Variants in LRRN1 observed in about 807,000 individuals in gnomAD.
LRRN1 encodes leucine-rich repeat neuronal protein 1.
In LRRN1, 14 loss-of-function variants were observed where a neutral mutation model predicts 45.8. That is an observed-to-expected ratio of 0.31 (90% CI 0.20 to 0.48). The LOEUF is 0.48. Ranked by LOEUF, LRRN1 falls within the 20% of genes least tolerant of loss-of-function variation. LRRN1 has a pLI of 0.99. For missense variants in LRRN1, 789 were observed against 874.2 expected, an observed-to-expected ratio of 0.90 and a Z score of 1.23; for synonymous variants, 359 against 330.1, an observed-to-expected ratio of 1.09 and a Z score of -0.95.
intron 1 of LRRN1, among the ~76,000 whole-genome samples, chr3:3,818,469 T>C (rs1693030519): frequency 6.6e-6 from 1 of 152,208 alleles, no homozygotes; most frequent in South Asian, 2.1e-4. Context: ...ATTGCCACTT[T>C]CATGATTCCA....
At chr3:3,805,470 G>A (rs1001892165) in intron 1 of LRRN1, among the ~76,000 whole-genome samples, 1 of 152,180 alleles carries the variant, frequency 6.6e-6, no homozygotes, top group African/African-American at 2.4e-5. Context: ...ATGACTCAAT[G>A]TCTGACCTTC....
intron 1 of LRRN1, among the ~76,000 whole-genome samples, chr3:3,800,128 G>T (rs1349741089): frequency 8.8e-6 from 1 of 113,322 alleles, no homozygotes; most frequent in East Asian, 2.8e-4. Context: ...GTTTCCCCCC[G>T]TCCCCCTTGC....
intron 1 of LRRN1, among the ~76,000 whole-genome samples, chr3:3,838,820 CTT>C (rs1313469146): frequency 6.6e-6 from 1 of 152,026 alleles, no homozygotes; most frequent in Non-Finnish European, 1.5e-5. Context: ...ATTTGTATGT[CTT>C]TGGAGAATTG....
intron 1 of LRRN1, among the ~76,000 whole-genome samples, chr3:3,838,648 T>A (rs1693579428): frequency 6.6e-6 from 1 of 152,194 alleles, no homozygotes; most frequent in Admixed American, 6.5e-5. Flanking sequence ...TCTACAACAG[T>A]GAACAAGGGT....
At chr3:3,828,340 A>G (rs1693276423) in intron 1 of LRRN1, among the ~76,000 whole-genome samples, 1 of 151,924 alleles carries the variant, frequency 6.6e-6, no homozygotes, top group African/African-American at 2.4e-5. Flanking sequence ...CGGGAGAAAG[A>G]TGTAGGCTAG....
At chr3:3,824,429 C>G (rs1693171762) in intron 1 of LRRN1, among the ~76,000 whole-genome samples, 1 of 152,076 alleles carries the variant, frequency 6.6e-6, no homozygotes, top group South Asian at 2.1e-4. Context: ...ACACATTTTA[C>G]AACTTATACA....
At chr3:3,833,507 T>C (rs1693416082) in intron 1 of LRRN1, among the ~76,000 whole-genome samples, 1 of 152,204 alleles carries the variant, frequency 6.6e-6, no homozygotes, top group Admixed American at 6.5e-5. Context: ...TTCTCCAGAT[T>C]GCTCTTTATA....
At position 3,800,491 on chromosome 3, in the gene LRRN1, G is replaced by A. The variant is rs550299396; in HGVS notation, c.-279+572G>A. 1.2e-3 allele frequency among the ~76,000 whole-genome samples: 181 copies of A among 152,192 alleles called. 1 individual carries two copies. The highest frequency in any genetic ancestry group is 4.2e-3 in the African/African-American group (175 of 41,452). On this transcript the variant is annotated intron_variant, in intron 1 of 1. Transcript: ENST00000319331. ...TAATTGACAAGGCACTGAAAGTATT[G>A]AAGTCAGAGCCTTGGGAAGGATCTA...
In LRRN1 at chr3:3,845,001, G is replaced by A. The variant is rs1489068584; in HGVS notation, c.360G>A (p.Gln120=). The change falls in exon 2 of 2, where the codon CAG becomes CAA. Residue 120 remains glutamine, a synonymous_variant. Transcript: ENST00000319331. This position sits in a 1 kb window ranked among gnomAD's most constrained non-coding sequence, Gnocchi z 6.5. ...AGGTCGGGCTGGCAAACCTAACCCA[G>A]CTCACAACGCTGCATTTGGAGGAAA... is the stretch of plus-strand genomic sequence containing the variant. ...IKEVGLANLT[Q]LTTLHLEENQ... 1 of 1,614,100 alleles carries A rather than the reference G, an allele frequency of 6.2e-7. No homozygotes were observed.
intron 1 of LRRN1, among the ~76,000 whole-genome samples, chr3:3,824,017 C>T (rs1340135802): frequency 1.3e-5 from 2 of 152,194 alleles, no homozygotes; most frequent in African/African-American, 4.8e-5. Context: ...GGTCCCCTAA[C>T]TCTTGGTCCA....
At chr3:3,802,269 C>A (rs1413406871) in intron 1 of LRRN1, among the ~76,000 whole-genome samples, 1 of 152,200 alleles carries the variant, frequency 6.6e-6, no homozygotes, top group African/African-American at 2.4e-5. Flanking sequence ...GACAGCTGAA[C>A]AAAAGGCAGG....
chr3:3,810,805 T>C (rs1692856035), intron 1 of LRRN1, among the ~76,000 whole-genome samples: 1 of 152,250 alleles, frequency 6.6e-6, no homozygotes, highest in Non-Finnish European at 1.5e-5. Flanking sequence ...GGCCAGTTGC[T>C]ATGAGTTGGC....
At chr3:3,833,404 AC>A (rs1253181264) in intron 1 of LRRN1, among the ~76,000 whole-genome samples, 1 of 152,206 alleles carries the variant, frequency 6.6e-6, no homozygotes, top group African/African-American at 2.4e-5. Flanking sequence ...CAGAGTTCCT[AC>A]TTAGTCGGCC....
intron 1 of LRRN1, among the ~76,000 whole-genome samples, chr3:3,812,288 C>T (rs145514229): frequency 2.6e-5 from 4 of 152,224 alleles, no homozygotes; most frequent in East Asian, 1.9e-4. Flanking sequence ...AAGAAGTACA[C>T]GAGGCCAGGA....
Position 3,834,525 on chromosome 3 carries a change from GATATATATATAT to G in LRRN1, c.-278-9822_-278-9811del, listed in dbSNP as rs71040093. ...GCGTTCTCTTAGAGGGACAGAACAGGATATATATATATATATATATATATATATGATATATAT... is the reference window on the plus strand; with the variant it reads ...GCGTTCTCTTAGAGGGACAGAACAGGATATATATATATATATGATATATAT... On this transcript the variant is annotated intron_variant, in intron 1 of 1. Transcript: ENST00000319331. Among the ~76,000 whole-genome samples, 237 of 27,328 alleles carry G rather than the reference GATATATATATAT, an allele frequency of 8.7e-3. 24 individuals carry two copies. The highest frequency in any genetic ancestry group is 0.053 in the Middle Eastern group (2 of 38). 17.9% of individuals were successfully genotyped at this position (27,328 alleles called of 152,430 possible). A position where few individuals can be genotyped will look rare whatever the true frequency, so the allele number is the denominator to read the frequency against.
intron 1 of LRRN1, among the ~76,000 whole-genome samples, chr3:3,828,100 C>T (rs1485899059): frequency 6.7e-6 from 1 of 149,214 alleles, no homozygotes; most frequent in African/African-American, 2.5e-5. Flanking sequence ...GATATTTTCC[C>T]AGTGTGTTAG....
Position 3,844,767 on chromosome 3 carries a change from C to T in LRRN1, c.126C>T (p.Pro42=). Residue 42 remains proline (P), a synonymous_variant, in exon 2 of 2, where the codon CCC becomes CCT. Transcript: ENST00000319331. ...CPQLCVCEIR[P]WFTPQSTYRE... Reference sequence around the variant, plus strand: ...AACTTTGCGTATGTGAAATTCGTCCCTGGTTTACCCCACAGTCAACTTACA... The same window carrying T: ...AACTTTGCGTATGTGAAATTCGTCCTTGGTTTACCCCACAGTCAACTTACA... 6.2e-7 allele frequency: 1 copy of T among 1,614,118 alleles called. No homozygotes were observed. The highest frequency in any genetic ancestry group is 2.2e-5 in the East Asian group (1 of 44,874).
At chr3:3,815,015 C>G (rs1016518596) in intron 1 of LRRN1, among the ~76,000 whole-genome samples, 1 of 152,056 alleles carries the variant, frequency 6.6e-6, no homozygotes, top group Non-Finnish European at 1.5e-5. Flanking sequence ...CTGTTTTCTT[C>G]TAAGTCTCTG....
chr3:3,808,685 T>C (rs1692815742), intron 1 of LRRN1, among the ~76,000 whole-genome samples: 1 of 152,220 alleles, frequency 6.6e-6, no homozygotes, highest in Non-Finnish European at 1.5e-5. Context: ...TCTTCCTCTT[T>C]AATTGCAGCT....
Sources: gnomAD v4.1 joint callset for allele counts (sites outside exome capture counted in the v4.1 genomes callset) on GRCh38, gnomAD v4.1.1 for gene constraint, Gnocchi (gnomAD v3.1) non-coding constraint, MANE v1.5 for transcripts, NCBI Gene and HGNC (gene_info 2026-07-23, HGNC 2026-07-21) for gene names.